Variants in A1CF observed in about 807,000 individuals in gnomAD.
A1CF encodes APOBEC1 complementation factor, also known as APOBEC-1 stimulating protein.
A neutral mutation model predicts 68.9 loss-of-function variants in A1CF; 48 were observed. The observed-to-expected ratio is 0.70, with a 90% CI of 0.55 to 0.89. The LOEUF (loss-of-function observed/expected upper bound fraction) is 0.89, where lower values mean the gene tolerates loss of function less well. Among genes scored for constraint, A1CF ranks in the 40% least tolerant of loss-of-function variants. A1CF has a pLI of 0.00. For missense variants in A1CF, 653 were observed against 718.9 expected (o/e 0.91, Z 1.05); for synonymous variants, 272 against 260.4 (o/e 1.04, Z -0.43).
chr10:50,852,275 G>A (rs1044515125), intron 3 of A1CF, among the ~76,000 whole-genome samples: 2 of 152,214 alleles, frequency 1.3e-5, no homozygotes, highest in African/African-American at 4.8e-5. Flanking sequence ...GAAATTCATT[G>A]CTATTTGGAA....
At chr10:50,821,660 C>T (rs200267175) in intron 7 of A1CF, among the ~76,000 whole-genome samples, 5 of 151,900 alleles carry the variant, frequency 3.3e-5, no homozygotes, top group South Asian at 2.1e-4. Context: ...CTCAGCCTCC[C>T]GAGTAGCTGG....
intron 4 of A1CF, 121 bp downstream of exon 4, chr10:50,843,867 G>A: frequency 8.3e-7 from 1 of 1,205,760 alleles, no homozygotes; most frequent in African/African-American, 1.5e-5. Context: ...CTATAATTGA[G>A]GAATGGTAAT....
At chr10:50,836,417 G>A in intron 5 of A1CF, 105 bp from the exon 6 acceptor site, 1 of 1,268,876 alleles carries the variant, frequency 7.9e-7, no homozygotes, top group Non-Finnish European at 1.1e-6. Context: ...GGATGTTTGG[G>A]TTCATAGTGT....
At chr10:50,818,996 G>T (rs987918751) in intron 8 of A1CF, among the ~76,000 whole-genome samples, 1 of 152,144 alleles carries the variant, frequency 6.6e-6, no homozygotes, top group Non-Finnish European at 1.5e-5. Context: ...TAGCCAATGG[G>T]GAACACTGGT....
chr10:50,866,392 G>C (rs972284312), intron 1 of A1CF, among the ~76,000 whole-genome samples: 1 of 152,182 alleles, frequency 6.6e-6, no homozygotes, highest in Non-Finnish European at 1.5e-5. Flanking sequence ...TTCTTGAGAG[G>C]CAGAGAGGGA....
rs1308097063 is a variant in A1CF, at chr10:50,803,951, A to G, written c.*2778T>C. 6.6e-6 allele frequency: 1 copy of G among 152,202 alleles called. No individual in the cohort carries two copies. Among genetic ancestry groups the G allele is most frequent in the Admixed American group, 6.5e-5 (1 of 15,280 alleles). The allele number at this position is 152,202 out of a possible 1,614,324, so 9.4% of individuals were successfully genotyped here. ...AAATTAGCCTTTGGTTCTACCAGCA[A>G]TTTAAAAAAGCCCGTTGTCTTAATA... On this transcript the variant is annotated 3_prime_UTR_variant, in exon 13 of 13. Coordinates refer to ENST00000373997, the MANE Select transcript of A1CF (RefSeq NM_014576.4).
chr10:50,819,132 T>C (rs908186121), intron 8 of A1CF, among the ~76,000 whole-genome samples: 2 of 152,184 alleles, frequency 1.3e-5, no homozygotes, highest in Non-Finnish European at 2.9e-5. Context: ...TTCTCTTTTC[T>C]TTCTTTCCTT....
chr10:50,882,505 T>C (rs1841827259), intron 1 of A1CF, among the ~76,000 whole-genome samples: 1 of 152,068 alleles, frequency 6.6e-6, no homozygotes, highest in South Asian at 2.1e-4. Context: ...AATGAAATGA[T>C]GAACTAGCTT....
chr10:50,850,583 A>C, intron 3 of A1CF: 22 of 1,546,668 alleles, frequency 1.4e-5, no homozygotes, highest in Non-Finnish European at 2.0e-5. Flanking sequence ...ATTAGAAAAC[A>C]AAAAGCATTT....
At chr10:50,870,591 A>C (rs1841217658) in intron 1 of A1CF, among the ~76,000 whole-genome samples, 1 of 151,900 alleles carries the variant, frequency 6.6e-6, no homozygotes, top group Non-Finnish European at 1.5e-5. Context: ...ATAAGTTAAA[A>C]ATTTGAATAA....
In A1CF at chr10:50,885,621, T is replaced by G. The variant is rs1841970653; in HGVS notation, c.-134A>C. ...GATCCCCACCCGGAAAAGGTTTCCTTGATTATGGCGAATTCAACGTGTCAC... is the reference window on the plus strand; with the variant it reads ...GATCCCCACCCGGAAAAGGTTTCCTGGATTATGGCGAATTCAACGTGTCAC... On this transcript the variant is annotated 5_prime_UTR_variant, in exon 1 of 13. Coordinates refer to ENST00000373997, the MANE Select transcript of A1CF (RefSeq NM_014576.4). 1 of 152,214 alleles carries G rather than the reference T, an allele frequency of 6.6e-6. No homozygotes were observed. The highest frequency in any genetic ancestry group is 2.1e-4 in the South Asian group (1 of 4,830). The allele number at this position is 152,214 out of a possible 1,614,324, so 9.4% of individuals were successfully genotyped here.
Position 50,839,256 on chromosome 10 carries a change from C to T in A1CF, c.365+2606G>A, listed in dbSNP as rs190910118. Among the ~76,000 whole-genome samples, 301 of 152,214 alleles carry T rather than the reference C, an allele frequency of 2.0e-3. 2 individuals are homozygous for T. The highest frequency in any genetic ancestry group is 6.8e-3 in the African/African-American group (284 of 41,536). On this transcript the variant is annotated intron_variant, in intron 5 of 12. Coordinates refer to ENST00000373997, the MANE Select transcript of A1CF (RefSeq NM_014576.4). ...AATGTGTTAAGTAGATACAGTAAAT[C>T]CACTTGATTCCCTACATAGCCAATT...
intron 11 of A1CF, among the ~76,000 whole-genome samples, 195 bp from the exon 12 acceptor site, chr10:50,810,237 G>A (rs1032034275): frequency 2.0e-5 from 3 of 152,200 alleles, no homozygotes; most frequent in East Asian, 1.9e-4. Context: ...TAGAACATCA[G>A]TGGTTGATGA....
chr10:50,855,868 G>C (rs1484516407), intron 3 of A1CF, among the ~76,000 whole-genome samples: 1 of 151,870 alleles, frequency 6.6e-6, no homozygotes, highest in East Asian at 1.9e-4. Context: ...ATGCTGCTTG[G>C]ATTGTATTAG....
intron 5 of A1CF, among the ~76,000 whole-genome samples, chr10:50,837,871 C>T (rs4488147): frequency 0.022 from 3,318 of 152,096 alleles, 59 homozygotes; most frequent in South Asian, 0.034. Flanking sequence ...GGCTGCTAGG[C>T]TTTAAAAGGC....
chr10:50,878,815 G>T (rs1457433877), intron 1 of A1CF, among the ~76,000 whole-genome samples: 1 of 152,162 alleles, frequency 6.6e-6, no homozygotes, highest in African/African-American at 2.4e-5. Flanking sequence ...GATTTAATGA[G>T]AAAACTAGAC....
chr10:50,846,311 A>G (rs2132470546), intron 3 of A1CF, among the ~76,000 whole-genome samples: 1 of 152,302 alleles, frequency 6.6e-6, no homozygotes, highest in South Asian at 2.1e-4. Flanking sequence ...ATGTATATGC[A>G]AAAATTCTAA....
At chr10:50,880,713 T>G (rs1054109999) in intron 1 of A1CF, among the ~76,000 whole-genome samples, 1 of 152,214 alleles carries the variant, frequency 6.6e-6, no homozygotes, top group African/African-American at 2.4e-5. Flanking sequence ...AGATAAGCAC[T>G]AAGCAGAATC....
rs1408908790 is a variant in A1CF at position 50,820,607 on chromosome 10, A to C, written c.812T>G (p.Val271Gly). The C allele has an allele frequency of 1.9e-6, 3 of 1,613,564 alleles. No homozygotes were observed. Among genetic ancestry groups the C allele is most frequent in the Admixed American group, 3.3e-5 (2 of 59,936 alleles). Residue 271 changes from valine to glycine, a missense_variant, in exon 8 of 13, where the codon GTG becomes GGG. Coordinates refer to ENST00000373997, the MANE Select transcript of A1CF (RefSeq NM_014576.4). ...TGCATCTTCTCGGTTACTGAAGTGC[A>C]CAAAAGCATAGTCTCGAATTTTCTT... ...RVKKIRDYAF[V>G]HFSNREDAVE...
Sources: allele counts gnomAD v4.1 joint callset (sites outside exome capture counted in the v4.1 genomes callset), GRCh38; gene constraint gnomAD v4.1.1; transcripts MANE v1.5; gene names NCBI Gene and HGNC (gene_info 2026-07-23, HGNC 2026-07-21).